BCLAF3: variants seen among roughly 807,000 people sequenced by gnomAD.
BCLAF3 encodes the protein transient octamer binding factor 1.
In BCLAF3, 24 loss-of-function variants were observed where a neutral mutation model predicts 51.2. The ratio of observed to expected loss-of-function variants is 0.47; its 90% CI spans 0.34 to 0.66. The LOEUF (loss-of-function observed/expected upper bound fraction) is 0.66, where lower values mean the gene tolerates loss of function less well. Among genes scored for constraint, BCLAF3 ranks in the 30% least tolerant of loss-of-function variants. BCLAF3 has a pLI of 0.01. For synonymous variants in BCLAF3, 152 were observed against 176.6 expected (o/e 0.86, Z 1.10); for missense variants, 465 against 525.1 (o/e 0.89, Z 1.12).
chrX:19,955,689 A>T, intron 4 of BCLAF3, 123 bp from the exon 5 acceptor site: 1 of 507,878 alleles, frequency 2.0e-6, no homozygotes, highest in Non-Finnish European at 3.0e-6. Flanking sequence ...TTAAGGCACT[A>T]AATTCCATGC....
chrX:19,928,923 G>A (rs1008779505), intron 11 of BCLAF3: 3 of 111,505 alleles, frequency 2.7e-5, no homozygotes, highest in African/African-American at 9.8e-5. Flanking sequence ...GAGGCTGGAG[G>A]GATTGAGAAG....
At chrX:19,926,828 C>T (rs1486330298) in intron 11 of BCLAF3, among the ~76,000 whole-genome samples, 1 of 111,662 alleles carries the variant, frequency 9.0e-6, no homozygotes, top group Non-Finnish European at 1.9e-5. Flanking sequence ...AAGAAACTTG[C>T]CACACAAGGC....
intron 4 of BCLAF3, among the ~76,000 whole-genome samples, chrX:19,957,587 T>C (rs1367635587): frequency 8.9e-6 from 1 of 111,781 alleles, no homozygotes; most frequent in African/African-American, 3.2e-5. Context: ...CATTTACTTA[T>C]AATTTCTTAC....
At chrX:19,953,142 C>T in intron 6 of BCLAF3, 91 bp from the exon 7 acceptor site, 3 of 763,203 alleles carry the variant, frequency 3.9e-6, no homozygotes, top group Non-Finnish European at 5.7e-6. Flanking sequence ...TGAAATAAAG[C>T]TAGTATGTTT....
chrX:19,933,756 G>A (rs1405806329), intron 10 of BCLAF3, among the ~76,000 whole-genome samples: 1 of 111,417 alleles, frequency 9.0e-6, no homozygotes, highest in Non-Finnish European at 1.9e-5. Context: ...GTAAATTTTA[G>A]CAAAATATTT....
At chrX:19,954,078 A>G in intron 5 of BCLAF3, 186 bp from the exon 6 acceptor site, 2 of 754,416 alleles carry the variant, frequency 2.7e-6, no homozygotes, top group Non-Finnish European at 3.1e-6. Flanking sequence ...AGCCCAAACA[A>G]GAGTAAAAAC....
chrX:19,945,938 T>G (rs755919232), intron 8 of BCLAF3, among the ~76,000 whole-genome samples: 1 of 108,609 alleles, frequency 9.2e-6, no homozygotes, highest in South Asian at 4.0e-4. Context: ...TCCGTGGGCG[T>G]AGGACCCTCC....
At chrX:19,982,583 ACG>A (rs1252943719) in intron 1 of BCLAF3, among the ~76,000 whole-genome samples, 9 of 107,197 alleles carry the variant, frequency 8.4e-5, no homozygotes, top group East Asian at 5.7e-4. Context: ...ACACACACAC[ACG>A]CACACACACA....
At chrX:19,936,224 G>C (rs1401558690) in intron 9 of BCLAF3, among the ~76,000 whole-genome samples, 1 of 112,045 alleles carries the variant, frequency 8.9e-6, no homozygotes, top group African/African-American at 3.2e-5. Flanking sequence ...GCAGCTAGGA[G>C]AGAAATAAAC....
chrX:19,922,875 G>C (rs1355900075), intron 11 of BCLAF3, among the ~76,000 whole-genome samples: 7 of 110,295 alleles, frequency 6.3e-5, no homozygotes, highest in Non-Finnish European at 1.3e-4. Flanking sequence ...ACTCCAGCCT[G>C]GGTGACAGAG....
chrX:19,965,524 T>C lies in BCLAF3; in HGVS notation c.794A>G (p.Glu265Gly). ...NLGPQTYRHA[E>G]REHPETSSAT... Reference sequence around the variant, plus strand: ...TGAACTGGTCTCTGGGTGTTCCCTCTCAGCATGTCGATAAGTTTGGGGCCC... The same window carrying C: ...TGAACTGGTCTCTGGGTGTTCCCTCCCAGCATGTCGATAAGTTTGGGGCCC... The change falls in exon 4 of 12, where the codon GAG (glutamate) becomes GGG (glycine). Residue 265 changes from glutamate to glycine, a missense_variant. By Grantham distance (98) the Glu-to-Gly change is moderately conservative. Transcript: ENST00000379682. 7 of 1,205,408 alleles carry C rather than the reference T, an allele frequency of 5.8e-6. No individual in the cohort carries two copies. The highest frequency in any genetic ancestry group is 7.8e-6 in the Non-Finnish European group (7 of 892,928).
chrX:19,949,946 T>A (rs923389930), intron 8 of BCLAF3, among the ~76,000 whole-genome samples: 1 of 111,483 alleles, frequency 9.0e-6, no homozygotes, highest in Non-Finnish European at 1.9e-5. Flanking sequence ...TCCATCCACA[T>A]GGTGTTCAGA....
At chrX:19,947,764 G>A (rs2071358458) in intron 8 of BCLAF3, among the ~76,000 whole-genome samples, 1 of 112,031 alleles carries the variant, frequency 8.9e-6, no homozygotes, top group Non-Finnish European at 1.9e-5. Flanking sequence ...TGAGCTCAGG[G>A]CAGTGGGGAT....
intron 2 of BCLAF3, among the ~76,000 whole-genome samples, chrX:19,969,850 TGAA>T (rs1299270015): frequency 8.9e-6 from 1 of 112,233 alleles, no homozygotes; most frequent in African/African-American, 3.2e-5. Context: ...TATTCTGCCA[TGAA>T]GAAGAAAGAG....
At chrX:19,975,392 G>A (rs1350992621) in intron 1 of BCLAF3, among the ~76,000 whole-genome samples, 2 of 106,920 alleles carry the variant, frequency 1.9e-5, no homozygotes, top group Non-Finnish European at 3.9e-5. Context: ...CACCCAGGGT[G>A]GAGTGCAGTG....
intron 4 of BCLAF3, among the ~76,000 whole-genome samples, chrX:19,956,505 G>T (rs778608739): frequency 8.9e-6 from 1 of 111,884 alleles, no homozygotes; most frequent in South Asian, 3.7e-4. Flanking sequence ...TCCAAGTGTT[G>T]TAATGGAAAA....
chrX:19,935,643 T>A, intron 10 of BCLAF3, 166 bp downstream of exon 10: 1 of 442,057 alleles, frequency 2.3e-6, no homozygotes, highest in East Asian at 3.6e-5. Flanking sequence ...AGGAAAGGGG[T>A]CATCAACAAA....
chrX:19,982,839 G>T (rs1209014897), intron 1 of BCLAF3, among the ~76,000 whole-genome samples: 3 of 110,691 alleles, frequency 2.7e-5, no homozygotes, highest in Non-Finnish European at 3.8e-5. Context: ...AACAATAAAT[G>T]TGGGTGGGCT....
chrX:19,933,871 A>C (rs1008084218), intron 10 of BCLAF3, among the ~76,000 whole-genome samples: 3 of 111,527 alleles, frequency 2.7e-5, no homozygotes, highest in African/African-American at 9.8e-5. Context: ...CCCAGGCTGA[A>C]GCGATCTTCC....
Sources: allele counts gnomAD v4.1 joint callset (sites outside exome capture counted in the v4.1 genomes callset), GRCh38; gene constraint gnomAD v4.1.1; transcripts MANE v1.5; gene names NCBI Gene and HGNC (gene_info 2026-07-23, HGNC 2026-07-21).